The following PAPPA2 variants were observed in gnomAD, a reference collection of about 807,000 sequenced individuals.
The protein encoded by PAPPA2 is pappalysin-2.
PAPPA2 carries 86 observed loss-of-function variants against 176.4 expected under a neutral mutation model. That is an observed-to-expected ratio of 0.49 (90% CI 0.41 to 0.58). PAPPA2 has a LOEUF of 0.58. PAPPA2 is among the 20% of genes least tolerant of loss of function. The pLI is 0.00. For synonymous variants in PAPPA2, 809 were observed against 852.2 expected, an observed-to-expected ratio of 0.95 and a Z score of 0.88; for missense variants, 2,073 against 2,256.9, an observed-to-expected ratio of 0.92 and a Z score of 1.65.
chr1:176,585,208 A>G (rs1424291165), intron 2 of PAPPA2, among the ~76,000 whole-genome samples: 1 of 152,102 alleles, frequency 6.6e-6, no homozygotes, highest in Non-Finnish European at 1.5e-5. Context: ...TGGTTATCTG[A>G]GAAAAACTTT....
At chr1:176,651,551 C>G (rs762108541) in intron 3 of PAPPA2, among the ~76,000 whole-genome samples, 6 of 151,530 alleles carry the variant, frequency 4.0e-5, no homozygotes, top group Non-Finnish European at 7.4e-5. Context: ...CTTTCTTTGT[C>G]TTTGACCTTT....
intron 1 of PAPPA2, among the ~76,000 whole-genome samples, chr1:176,530,046 G>C (rs1203816095): frequency 6.6e-6 from 1 of 152,056 alleles, no homozygotes; most frequent in Non-Finnish European, 1.5e-5. Flanking sequence ...TTTCGTTTTT[G>C]CAAGTGGGCA....
chr1:176,783,780 G>T (rs1037034065), intron 17 of PAPPA2, among the ~76,000 whole-genome samples: 1 of 152,160 alleles, frequency 6.6e-6, no homozygotes, highest in African/African-American at 2.4e-5. Context: ...GGATGATCTC[G>T]CTCTCTGGTT....
intron 2 of PAPPA2, among the ~76,000 whole-genome samples, chr1:176,558,266 T>C (rs911899838): frequency 4.6e-5 from 7 of 152,178 alleles, no homozygotes; most frequent in Admixed American, 2.6e-4. Context: ...ATTATATTGA[T>C]GGGGAAACTG....
chr1:176,557,504 G>C (rs1389575515), intron 2 of PAPPA2, among the ~76,000 whole-genome samples: 2 of 152,144 alleles, frequency 1.3e-5, no homozygotes, highest in Admixed American at 1.3e-4. Flanking sequence ...CTTGCACTTA[G>C]GAGACTTTAG....
chr1:176,789,691 A>G (rs1345562409), intron 17 of PAPPA2, 118 bp from the exon 18 acceptor site: 2 of 1,134,268 alleles, frequency 1.8e-6, no homozygotes, highest in Non-Finnish European at 2.6e-6. Flanking sequence ...CATATGGCTC[A>G]CAAGAACCAT....
intron 3 of PAPPA2, among the ~76,000 whole-genome samples, chr1:176,621,726 G>C (rs950458867): frequency 6.6e-6 from 1 of 152,040 alleles, no homozygotes; most frequent in Admixed American, 6.6e-5. Context: ...CTGTCAGTGA[G>C]GAGTTGATCA....
At chr1:176,626,021 T>C (rs1477054117) in intron 3 of PAPPA2, among the ~76,000 whole-genome samples, 1 of 152,146 alleles carries the variant, frequency 6.6e-6, no homozygotes, top group Non-Finnish European at 1.5e-5. Flanking sequence ...AGACTCTGTC[T>C]CTAAAAAGAT....
chr1:176,735,684 CTATCT>C (rs1662369018), intron 12 of PAPPA2, among the ~76,000 whole-genome samples: 1 of 21,642 alleles, frequency 4.6e-5, no homozygotes, highest in Non-Finnish European at 9.9e-5. Flanking sequence ...CAGAATCTAT[CTATCT>C]ATCTATCTAT....
intron 1 of PAPPA2, among the ~76,000 whole-genome samples, chr1:176,472,335 A>G (rs1434307188): frequency 1.3e-5 from 2 of 152,164 alleles, no homozygotes; most frequent in African/African-American, 4.8e-5. Context: ...GTTTCAAGCC[A>G]TTGTAATCAT....
intron 3 of PAPPA2, among the ~76,000 whole-genome samples, chr1:176,651,972 A>T (rs889396635): frequency 6.6e-6 from 1 of 151,458 alleles, no homozygotes; most frequent in Non-Finnish European, 1.5e-5. Context: ...TCTCAGTTCC[A>T]ACATTTCTGT....
Position 176,474,239 on chromosome 1 carries a change from C to G in PAPPA2, c.-917+10821C>G, listed in dbSNP as rs1019148269. ...CATGTCCAAGGTAAGTTGGTGTGGG[C>G]TTTATTACCTCAGTCACTGGGCTCC... On this transcript the variant is annotated intron_variant, in intron 1 of 22. Transcript: ENST00000367662. Among the ~76,000 whole-genome samples, 5 of 152,108 alleles carry G rather than the reference C, an allele frequency of 3.3e-5. No individual in the cohort carries two copies. The South Asian group carries it at 1.0e-3, about 32-fold the overall frequency.
chr1:176,598,585 C>T (rs1443870283), intron 3 of PAPPA2, among the ~76,000 whole-genome samples: 1 of 151,936 alleles, frequency 6.6e-6, no homozygotes, highest in Non-Finnish European at 1.5e-5. Flanking sequence ...TCCTTCCTTT[C>T]TTCTTTTATT....
intron 3 of PAPPA2, among the ~76,000 whole-genome samples, chr1:176,641,025 T>G (rs1657052900): frequency 1.3e-5 from 2 of 151,524 alleles, no homozygotes; most frequent in African/African-American, 4.8e-5. Flanking sequence ...TTGCCCACTT[T>G]TTGATGGGGT....
intron 2 of PAPPA2, among the ~76,000 whole-genome samples, chr1:176,572,933 GTA>G (rs1308686057): frequency 6.6e-6 from 1 of 152,150 alleles, no homozygotes; most frequent in African/African-American, 2.4e-5. Flanking sequence ...TCTATAAACT[GTA>G]CCTGGTAACA....
chr1:176,837,274 GCT>G (rs1667307963), intron 21 of PAPPA2, among the ~76,000 whole-genome samples: 1 of 152,036 alleles, frequency 6.6e-6, no homozygotes, highest in Admixed American at 6.5e-5. Flanking sequence ...TAGTCCAAGC[GCT>G]CTCTCAGATT....
rs570751711 is a variant in PAPPA2 at position 176,473,140 on chromosome 1, A to G, written c.-917+9722A>G. Among the ~76,000 whole-genome samples, 6 of 152,310 alleles carry G rather than the reference A, an allele frequency of 3.9e-5. No homozygotes were observed. In the South Asian group the frequency reaches 1.2e-3, roughly 32 times the overall value. Reference sequence around the variant, plus strand: ...ATCCACAATTATAATATCCTACAGAATAATTTCACTGCCTTAAAAATTCTC... The same window carrying G: ...ATCCACAATTATAATATCCTACAGAGTAATTTCACTGCCTTAAAAATTCTC... On this transcript the variant is annotated intron_variant, in intron 1 of 22. Coordinates refer to ENST00000367662, the MANE Select transcript of PAPPA2 (RefSeq NM_020318.3).
chr1:176,618,877 A>T (rs541265088), intron 3 of PAPPA2, among the ~76,000 whole-genome samples: 1 of 152,328 alleles, frequency 6.6e-6, no homozygotes, highest in Non-Finnish European at 1.5e-5. Context: ...GGCATAAATT[A>T]TAACTAGAAG....
At chr1:176,722,986 T>A (rs1661693580) in intron 12 of PAPPA2, among the ~76,000 whole-genome samples, 1 of 152,156 alleles carries the variant, frequency 6.6e-6, no homozygotes, top group Non-Finnish European at 1.5e-5. Context: ...AGAAAATAAG[T>A]TTGTTTGGCT....
Sources: gnomAD v4.1 joint callset for allele counts (sites outside exome capture counted in the v4.1 genomes callset) on GRCh38, gnomAD v4.1.1 for gene constraint, MANE v1.5 for transcripts, NCBI Gene and HGNC (gene_info 2026-07-23, HGNC 2026-07-21) for gene names.